UPF2: variants seen among roughly 807,000 people sequenced by gnomAD.
UPF2 encodes UPF2 regulator of nonsense mediated mRNA decay, also known as regulator of nonsense transcripts 2.
UPF2 carries 17 observed loss-of-function variants against 141.4 expected under a neutral mutation model. That is an observed-to-expected ratio of 0.12 (90% CI 0.08 to 0.18). The LOEUF (loss-of-function observed/expected upper bound fraction) is 0.18. Among genes scored for constraint, UPF2 ranks in the 10% least tolerant of loss-of-function variants. The pLI is 1.00. For synonymous variants in UPF2, 540 were observed against 498.0 expected (o/e 1.08, Z -1.12); for missense variants, 1,152 against 1,515.9 (o/e 0.76, Z 3.99).
In UPF2 at chr10:11,962,305, C is replaced by A. The variant is rs1252361982; in HGVS notation, c.2184+1704G>T. Among the ~76,000 whole-genome samples, 3 of 152,296 alleles carry A rather than the reference C, an allele frequency of 2.0e-5. No homozygotes were observed. The South Asian group carries it at 6.2e-4, about 32-fold the overall frequency. On this transcript the variant is annotated intron_variant, in intron 11 of 21. Coordinates refer to ENST00000357604, the MANE Select transcript of UPF2 (RefSeq NM_015542.4). Reference sequence around the variant, plus strand: ...AATGTGAATACATTTTAGATGATCCCATAAGCACTGATGTGCTTCAAACCA... The same window carrying A: ...AATGTGAATACATTTTAGATGATCCAATAAGCACTGATGTGCTTCAAACCA...
At chr10:12,007,687 C>T (rs981732278) in intron 4 of UPF2, among the ~76,000 whole-genome samples, 2 of 151,600 alleles carry the variant, frequency 1.3e-5, no homozygotes, top group African/African-American at 2.4e-5. Context: ...AAAAATTAGC[C>T]GGCCGTGGTG....
chr10:11,968,735 C>T (rs1215037920), intron 9 of UPF2, among the ~76,000 whole-genome samples: 1 of 152,182 alleles, frequency 6.6e-6, no homozygotes, highest in Non-Finnish European at 1.5e-5. Flanking sequence ...CAAACAGACA[C>T]ATCAAGATAA....
intron 4 of UPF2, 89 bp downstream of exon 4, chr10:12,013,935 A>C: frequency 7.7e-7 from 1 of 1,299,022 alleles, no homozygotes; most frequent in Admixed American, 3.1e-5. Context: ...TAAAAACTTA[A>C]ATTCTCAATA....
chr10:11,951,968 G>A (rs1193738538), intron 15 of UPF2, 98 bp downstream of exon 15: 4 of 1,257,244 alleles, frequency 3.2e-6, no homozygotes, highest in Non-Finnish European at 4.5e-6. Flanking sequence ...AAATAGAAAA[G>A]ATACAATGTA....
rs185451555 is a variant in UPF2 at position 11,948,695 on chromosome 10, C to T, written c.3035-187G>A. Among the ~76,000 whole-genome samples the T allele has an allele frequency of 5.3e-5, 8 of 152,280 alleles. No homozygotes were observed. The East Asian group carries it at 1.5e-3, about 29-fold the overall frequency. On this transcript the variant is annotated intron_variant, in intron 15 of 21. Coordinates refer to ENST00000357604, the MANE Select transcript of UPF2 (RefSeq NM_015542.4). ...AAACTAAATGTGTAGGCCTACATTT[C>T]AACAAATAAACACAACTAACAAAAA... is the stretch of plus-strand genomic sequence containing the variant.
intron 4 of UPF2, among the ~76,000 whole-genome samples, chr10:12,006,271 G>C (rs918887081): frequency 6.6e-6 from 1 of 152,142 alleles, no homozygotes; most frequent in East Asian, 1.9e-4. Flanking sequence ...ATTAGAGAAT[G>C]GAAAGTATGT....
chr10:11,990,326 G>A (rs1179755203), intron 8 of UPF2, among the ~76,000 whole-genome samples: 1 of 152,168 alleles, frequency 6.6e-6, no homozygotes, highest in Non-Finnish European at 1.5e-5. Context: ...TGGAAAGGCA[G>A]GGCAAAGACT....
At chr10:11,947,480 C>A (rs1013496235) in intron 16 of UPF2, among the ~76,000 whole-genome samples, 1 of 151,932 alleles carries the variant, frequency 6.6e-6, no homozygotes. Context: ...TATTCAACAG[C>A]GAGATTAAGA....
chr10:11,973,980 T>C (rs566144015), intron 9 of UPF2, among the ~76,000 whole-genome samples: 2 of 152,214 alleles, frequency 1.3e-5, no homozygotes, highest in Non-Finnish European at 2.9e-5. Context: ...TTGGGCAGTA[T>C]GGCCATTTTC....
Position 11,936,774 on chromosome 10 carries a change from T to C in UPF2, c.3379-62A>G. 1 of 1,457,606 alleles carries C rather than the reference T, an allele frequency of 6.9e-7. No homozygotes were observed. The highest frequency in any genetic ancestry group is 9.1e-7 in the Non-Finnish European group (1 of 1,096,918). 90.3% of individuals were successfully genotyped at this position (1,457,606 alleles called of 1,614,324 possible). On this transcript the variant is annotated intron_variant, in intron 18 of 21. Transcript: ENST00000357604. This position sits in a 1 kb window ranked among gnomAD's most constrained non-coding sequence, Gnocchi z 6.6. The stretch of plus-strand genomic sequence containing the variant: ...AGATATATACGGATATATGTCAATA[T>C]AAATTGCAAACTCATTCAATGCTGT...
In UPF2 at chr10:12,029,345, G is replaced by C; in HGVS notation, c.545C>G (p.Thr182Arg). The C allele has an allele frequency of 6.2e-7, 1 of 1,614,146 alleles. No individual in the cohort carries two copies. Among genetic ancestry groups the C allele is most frequent in the Non-Finnish European group, 8.5e-7 (1 of 1,180,026 alleles). Residue 182 changes from threonine (T) to arginine (R), a missense_variant, in exon 3 of 22, where the codon ACA becomes AGA. Transcript: ENST00000357604. ...TAFVKKLKTI[T>R]EQQRDSLSHD... ...GGACAAGGAGTCTCTCTGTTGTTCT[G>C]TAATAGTTTTTAGTTTCTTGACAAA...
intron 4 of UPF2, among the ~76,000 whole-genome samples, chr10:12,012,267 TG>T (rs1834141645): frequency 0.013 from 1 of 78 alleles, no homozygotes; most frequent in Non-Finnish European, 0.023. Context: ...TTCACCATGT[TG>T]CGCCAAGCTG....
rs568499541 is a variant in UPF2, at chr10:12,019,799, C to T, written c.1146-5615G>A. Among the ~76,000 whole-genome samples, 1 of 152,104 alleles carries T rather than the reference C, an allele frequency of 6.6e-6. No individual in the cohort carries two copies. Among genetic ancestry groups the T allele is most frequent in the African/African-American group, 2.4e-5 (1 of 41,412 alleles). On this transcript the variant is annotated intron_variant, in intron 3 of 21. Coordinates refer to ENST00000357604, the MANE Select transcript of UPF2 (RefSeq NM_015542.4). The surrounding 1 kb of genome is among the most constrained non-coding windows in gnomAD (Gnocchi z 4.5). ...AGTGTAGTGGTGCAATCTGAGCTCA[C>T]TGCAACCTCCGCCTCCTAGGTTCAA...
At chr10:12,034,359 G>A (rs547781908) in intron 2 of UPF2, among the ~76,000 whole-genome samples, 1 of 150,250 alleles carries the variant, frequency 6.7e-6, no homozygotes, top group Admixed American at 6.6e-5. Flanking sequence ...GTCTTGCTCT[G>A]TTGCCCAGGC....
intron 9 of UPF2, among the ~76,000 whole-genome samples, chr10:11,972,954 G>A (rs1470894684): frequency 3.9e-5 from 6 of 152,148 alleles, no homozygotes; most frequent in African/African-American, 1.4e-4. Context: ...TTGAGGAATC[G>A]CCACACTGTC....
At chr10:11,994,447 G>C (rs1201039335) in intron 8 of UPF2, among the ~76,000 whole-genome samples, 1 of 152,166 alleles carries the variant, frequency 6.6e-6, no homozygotes, top group Non-Finnish European at 1.5e-5. Flanking sequence ...GAATACACAA[G>C]CATCAAGATA....
At chr10:11,995,101 A>T (rs1267195389) in intron 8 of UPF2, among the ~76,000 whole-genome samples, 1 of 145,212 alleles carries the variant, frequency 6.9e-6, no homozygotes, top group African/African-American at 2.6e-5. Context: ...AAGTGCTATA[A>T]AGAATACCTC....
At chr10:11,928,890 C>A (rs878988777) in intron 21 of UPF2, among the ~76,000 whole-genome samples, 1 of 152,230 alleles carries the variant, frequency 6.6e-6, no homozygotes, top group Non-Finnish European at 1.5e-5. Flanking sequence ...TGGCTCACGC[C>A]TGTAATCCCA....
At chr10:11,996,233 T>C (rs1435972666) in intron 8 of UPF2, among the ~76,000 whole-genome samples, 1 of 152,190 alleles carries the variant, frequency 6.6e-6, no homozygotes, top group African/African-American at 2.4e-5. Context: ...AGGCTGATTA[T>C]AATATACTTA....
Sources: gnomAD v4.1 joint callset for allele counts (sites outside exome capture counted in the v4.1 genomes callset) on GRCh38, gnomAD v4.1.1 for gene constraint, Gnocchi (gnomAD v3.1) non-coding constraint, MANE v1.5 for transcripts, NCBI Gene and HGNC (gene_info 2026-07-23, HGNC 2026-07-21) for gene names.